The following LTBP4 variants were observed in gnomAD, a reference collection of about 807,000 sequenced individuals.
LTBP4 encodes the protein latent transforming growth factor beta binding protein 4, also known as latent-transforming growth factor beta-binding protein 4.
LTBP4 carries 93 observed loss-of-function variants against 180.2 expected under a neutral mutation model. That is an observed-to-expected ratio of 0.52 (90% CI 0.44 to 0.61). The LOEUF (loss-of-function observed/expected upper bound fraction) is 0.61. Among genes scored for constraint, LTBP4 ranks in the 20% least tolerant of loss-of-function variants. The pLI, the probability that LTBP4 is intolerant of heterozygous loss-of-function variation, is 0.00. For missense variants in LTBP4, 2,116 were observed against 2,256.5 expected, an observed-to-expected ratio of 0.94 and a Z score of 1.26; for synonymous variants, 947 against 934.5, an observed-to-expected ratio of 1.01 and a Z score of -0.24.
chr19:40,626,741 C>T (rs181951202), intron 27 of LTBP4, among the ~76,000 whole-genome samples: 2 of 152,274 alleles, frequency 1.3e-5, no homozygotes, highest in Admixed American at 6.5e-5. Context: ...TCCCATGGGT[C>T]GCTCCAATTC....
chr19:40,601,680 G>A (rs1011420542), intron 1 of LTBP4, 43 bp downstream of exon 1: 30 of 1,300,210 alleles, frequency 2.3e-5, no homozygotes, highest in Middle Eastern at 2.6e-4. Context: ...CTCCGGGGGG[G>A]AGGAGGATCC....
At chr19:40,625,291 TATATA>T (rs2081622176) in intron 26 of LTBP4, among the ~76,000 whole-genome samples, 1 of 11,430 alleles carries the variant, frequency 8.7e-5, no homozygotes, top group Non-Finnish European at 1.4e-4. Context: ...TATATATATA[TATATA>T]TATATATATA....
At chr19:40,625,301 TATATATATATA>T (rs1568414573) in intron 26 of LTBP4, among the ~76,000 whole-genome samples, 367 of 20,380 alleles carry the variant, frequency 0.018, 85 homozygotes, top group Non-Finnish European at 0.025. Flanking sequence ...TATATATATA[TATATATATATA>T]TATATTTTTT....
At position 40,606,465 on chromosome 19, in the gene LTBP4, C is replaced by T. The variant is rs746743791; in HGVS notation, c.930C>T (p.Gly310=). 2.5e-5 allele frequency: 40 copies of T among 1,583,044 alleles called. No homozygotes were observed. Among genetic ancestry groups the T allele is most frequent in the Non-Finnish European group, 3.0e-5 (35 of 1,165,382 alleles). The part of the protein sequence containing the change: ...CQHGECANTR[G]GYTCVCPDGF... ...ACGGCGAGTGTGCAAACACGCGCGG[C>T]GGGTACACGTGTGTGTGCCCCGACG... Residue 310 remains glycine, a synonymous_variant, in exon 6 of 30, where the codon GGC becomes GGT. Transcript: ENST00000396819.
intron 8 of LTBP4, 26 bp downstream of exon 8, chr19:40,608,395 T>C: frequency 6.2e-7 from 1 of 1,609,098 alleles, no homozygotes; most frequent in Non-Finnish European, 8.5e-7. Flanking sequence ...CAGAAGTGGG[T>C]GCCATCTTCA....
intron 27 of LTBP4, 136 bp from the exon 28 acceptor site, chr19:40,626,839 C>T (rs768372436): frequency 3.6e-5 from 39 of 1,072,768 alleles, no homozygotes; most frequent in African/African-American, 2.9e-4. Flanking sequence ...AGATTCTCAG[C>T]GCTGGCTCCA....
At chr19:40,624,250 C>G (rs78900517) in intron 26 of LTBP4, among the ~76,000 whole-genome samples, 168 bp downstream of exon 26, 1 of 136,310 alleles carries the variant, frequency 7.3e-6, no homozygotes. Context: ...CTGTCTGTCT[C>G]TCTGAGGCGA....
chr19:40,620,387 T>TA (rs1341537307), intron 22 of LTBP4, among the ~76,000 whole-genome samples: 2 of 151,902 alleles, frequency 1.3e-5, no homozygotes, highest in Middle Eastern at 3.2e-3. Context: ...TACAGGCACA[T>TA]ATCACCACAA....
intron 19 of LTBP4, among the ~76,000 whole-genome samples, chr19:40,616,309 AGCTGGATGGGGTGGCTC>A (rs1318426870): frequency 0.051 from 7,587 of 149,000 alleles, 684 homozygotes; most frequent in African/African-American, 0.17. Flanking sequence ...AAGAAAAAAA[AGCTGGATGGGGTGGCTC>A]ATGCCTATAA....
intron 19 of LTBP4, chr19:40,615,353 TACTC>T (rs2081541689): frequency 6.6e-6 from 1 of 152,192 alleles, no homozygotes; most frequent in Non-Finnish European, 1.5e-5. Flanking sequence ...ACTAAGCACC[TACTC>T]TATGCCAGCG....
Position 40,622,055 on chromosome 19 carries a change from T to G in LTBP4, c.3218-346T>G, listed in dbSNP as rs555558395. ...GGAGCCACTGCACCTGGCGACAAAT[T>G]GTAGGTTTTGAGATGAAGACTCAGC... On this transcript the variant is annotated intron_variant, in intron 22 of 29. Coordinates refer to ENST00000396819, the MANE Select transcript of LTBP4 (RefSeq NM_001042545.2). The surrounding 1 kb of genome is among the most constrained non-coding windows in gnomAD (Gnocchi z 5.1). 6.6e-6 allele frequency among the ~76,000 whole-genome samples: 1 copy of G among 151,888 alleles called. No individual in the cohort carries two copies. Among genetic ancestry groups the G allele is most frequent in the Non-Finnish European group, 1.5e-5 (1 of 67,960 alleles).
intron 1 of LTBP4, among the ~76,000 whole-genome samples, chr19:40,595,625 G>A (rs2081385782): frequency 6.6e-6 from 1 of 152,210 alleles, no homozygotes; most frequent in Admixed American, 6.5e-5. Flanking sequence ...TGGAACCCCG[G>A]TGTGGACGGG....
Position 40,606,221 on chromosome 19 carries a change from C to A in LTBP4, c.794-12C>A. 6.3e-7 allele frequency: 1 copy of A among 1,578,298 alleles called. No homozygotes were observed. On this transcript the variant is annotated splice_polypyrimidine_tract_variant and intron_variant, in intron 4 of 29. Transcript: ENST00000396819. ...CACCTGTCCCTGGCCCACCCCTCTC[C>A]TCTCGCCACAGGGAACTCCGAAAGA...
At position 40,610,640 on chromosome 19, in the gene LTBP4, A is replaced by G. The variant is rs976260266; in HGVS notation, c.1793A>G (p.His598Arg). The change falls in exon 12 of 30, where the codon CAC becomes CGC. Residue 598 changes from histidine to arginine, a missense_variant. Around this residue, in one of 5 missense-constraint regions of LTBP4, gnomAD observed 877 missense variants for 873.6 expected, o/e 1.00. Coordinates refer to ENST00000396819, the MANE Select transcript of LTBP4 (RefSeq NM_001042545.2). ...CCCGCCGGGTACCAGGCTGCACCGCACGGAGCCAGCTGCCAGGGTGAGGGC... is the reference window on the plus strand; with the variant it reads ...CCCGCCGGGTACCAGGCTGCACCGCGCGGAGCCAGCTGCCAGGGTGAGGGC... ...VCPAGYQAAP[H>R]GASCQDVDEC... The G allele has an allele frequency of 6.3e-7, 1 of 1,583,272 alleles. No homozygotes were observed. Among genetic ancestry groups the G allele is most frequent in the Non-Finnish European group, 8.6e-7 (1 of 1,169,296 alleles).
At chr19:40,614,541 C>G in intron 19 of LTBP4, 95 bp downstream of exon 19, 2 of 1,450,384 alleles carry the variant, frequency 1.4e-6, no homozygotes, top group Non-Finnish European at 1.8e-6. Flanking sequence ...GCTTCCCAGA[C>G]TTAGGCGGAG....
intron 27 of LTBP4, among the ~76,000 whole-genome samples, 187 bp downstream of exon 27, chr19:40,626,196 G>A (rs2081632550): frequency 6.6e-6 from 1 of 152,042 alleles, no homozygotes; most frequent in African/African-American, 2.4e-5. Context: ...CCAAGTCTCA[G>A]CCACAGACAT....
Position 40,611,994 on chromosome 19 carries a change from G to C in LTBP4, c.2179+10G>C. 1 of 1,603,028 alleles carries C rather than the reference G, an allele frequency of 6.2e-7. No homozygotes were observed. The highest frequency in any genetic ancestry group is 1.7e-4 in the Middle Eastern group (1 of 6,024). On this transcript the variant is annotated intron_variant, in intron 14 of 29. Coordinates refer to ENST00000396819, the MANE Select transcript of LTBP4 (RefSeq NM_001042545.2). This position sits in a 1 kb window ranked among gnomAD's most constrained non-coding sequence, Gnocchi z 4.4. ...GGCTCCGAGTGCGAGGGTGAGGCCG[G>C]GGAGGGAGGGAGGAGTGTGGATGGG...
chr19:40,624,658 C>T (rs1365668492), intron 26 of LTBP4, among the ~76,000 whole-genome samples: 2 of 152,230 alleles, frequency 1.3e-5, no homozygotes, highest in African/African-American at 4.8e-5. Flanking sequence ...CTTGGCCTCC[C>T]AAAGTGCTAG....
Position 40,605,442 on chromosome 19 carries a change from G to T in LTBP4, c.480G>T (p.Pro160=), listed in dbSNP as rs2081452531. ...ASMVSVHVEH[P]QEASVVVHQV... ...TGGTGAGCGTCCACGTGGAGCACCCGCAGGAGGCGTCGGTGGTGGTGCACC... is the reference window on the plus strand; with the variant it reads ...TGGTGAGCGTCCACGTGGAGCACCCTCAGGAGGCGTCGGTGGTGGTGCACC... The change falls in exon 3 of 30, where the codon CCG becomes CCT. Residue 160 remains proline, a synonymous_variant. Transcript: ENST00000396819. The surrounding 1 kb of genome is among the most constrained non-coding windows in gnomAD (Gnocchi z 5.5). 2 of 1,612,812 alleles carry T rather than the reference G, an allele frequency of 1.2e-6. No homozygotes were observed. The highest frequency in any genetic ancestry group is 2.2e-5 in the South Asian group (2 of 91,092).
Sources: gnomAD v4.1 joint callset for allele counts (sites outside exome capture counted in the v4.1 genomes callset) on GRCh38, gnomAD v4.1.1 for gene constraint, gnomAD v4.1.1 regional missense constraint, Gnocchi (gnomAD v3.1) non-coding constraint, MANE v1.5 for transcripts, NCBI Gene and HGNC (gene_info 2026-07-23, HGNC 2026-07-21) for gene names.